Variants in TBC1D7 observed in about 807,000 individuals in gnomAD.
TBC1D7 encodes the protein TBC1 domain family member 7.
In TBC1D7, 33 loss-of-function variants were observed where a neutral mutation model predicts 35.3. The observed-to-expected ratio is 0.93, with a 90% CI of 0.71 to 1.25. The LOEUF is 1.25. Among genes scored for constraint, TBC1D7 ranks in the 50% most tolerant of loss-of-function variants. TBC1D7 has a pLI of 0.00. For missense variants in TBC1D7, 362 were observed against 365.3 expected, an observed-to-expected ratio of 0.99 and a Z score of 0.07; for synonymous variants, 135 against 129.5, an observed-to-expected ratio of 1.04 and a Z score of -0.29.
intron 3 of TBC1D7, 98 bp from the exon 4 acceptor site, chr6:13,321,193 C>T (rs778215528): frequency 2.3e-4 from 221 of 981,532 alleles, no homozygotes; most frequent in Non-Finnish European, 3.1e-4. Context: ...GCGACCCACA[C>T]AATTAGGCTA....
At chr6:13,320,556 ATTT>A in intron 4 of TBC1D7, 1 of 571,624 alleles carries the variant, frequency 1.7e-6, no homozygotes, top group Non-Finnish European at 3.1e-6. Context: ...AGCACCTACA[ATTT>A]TTTATTTTTT....
At chr6:13,312,638 G>A (rs1240758768) in intron 5 of TBC1D7, among the ~76,000 whole-genome samples, 1 of 150,216 alleles carries the variant, frequency 6.7e-6, no homozygotes, top group Non-Finnish European at 1.5e-5. Flanking sequence ...GTTGCAGTGA[G>A]CTGAGATCGC....
chr6:13,326,962 G>T, intron 1 of TBC1D7, 56 bp from the exon 2 acceptor site: 1 of 981,926 alleles, frequency 1.0e-6, no homozygotes, highest in Non-Finnish European at 1.6e-6. Flanking sequence ...GGAAAAGTGA[G>T]TCTAGAAACA....
At position 13,320,900 on chromosome 6, in the gene TBC1D7, C is replaced by G. The variant is rs779372860; in HGVS notation, c.381+8G>C. 6.2e-7 allele frequency: 1 copy of G among 1,613,320 alleles called. No individual in the cohort carries two copies. Among genetic ancestry groups the G allele is most frequent in the East Asian group, 2.2e-5 (1 of 44,880 alleles). Reference sequence around the variant, plus strand: ...TGAGCTTAGTGTCAGACAAAAGTGACCACTAACCAGTGGAAAAGAGGGACT... The same window carrying G: ...TGAGCTTAGTGTCAGACAAAAGTGAGCACTAACCAGTGGAAAAGAGGGACT... On this transcript the variant is annotated splice_region_variant and intron_variant, in intron 4 of 7. Coordinates refer to ENST00000379300, the MANE Select transcript of TBC1D7 (RefSeq NM_016495.6).
intron 2 of TBC1D7, 101 bp from the exon 3 acceptor site, chr6:13,325,275 T>TC: frequency 5.0e-6 from 4 of 806,282 alleles, no homozygotes; most frequent in Non-Finnish European, 7.9e-6. Context: ...TTAAGACATT[T>TC]CTTCAGGGGA....
At chr6:13,318,777 C>G (rs1437313107) in intron 4 of TBC1D7, 1 of 152,204 alleles carries the variant, frequency 6.6e-6, no homozygotes, top group Non-Finnish European at 1.5e-5. Flanking sequence ...GAAGGGAAAA[C>G]TCTTCCTTAG....
At chr6:13,314,773 G>T (rs190518635) in intron 5 of TBC1D7, among the ~76,000 whole-genome samples, 1 of 152,044 alleles carries the variant, frequency 6.6e-6, no homozygotes. Flanking sequence ...TCAGTGCCCC[G>T]CATCTCATCT....
At chr6:13,316,729 C>T in intron 4 of TBC1D7, 21 bp from the exon 5 acceptor site, 1 of 1,612,196 alleles carries the variant, frequency 6.2e-7, no homozygotes, top group Non-Finnish European at 8.5e-7. Flanking sequence ...AATAATAAAT[C>T]TCAAGAGGAA....
chr6:13,326,046 A>C (rs1031047709), intron 2 of TBC1D7, among the ~76,000 whole-genome samples: 3 of 152,282 alleles, frequency 2.0e-5, no homozygotes, highest in Non-Finnish European at 4.4e-5. Flanking sequence ...AAAGTACTCT[A>C]TGCAAATAAA....
At chr6:13,307,817 T>C in intron 5 of TBC1D7, 72 bp from the exon 6 acceptor site, 4 of 1,483,548 alleles carry the variant, frequency 2.7e-6, no homozygotes, top group African/African-American at 1.4e-5. Flanking sequence ...TAGTCTCTGA[T>C]GAAAAAAAAG....
Position 13,325,101 on chromosome 6 carries a change from C to T in TBC1D7, c.186G>A (p.Val62=). 1 of 1,610,146 alleles carries T rather than the reference C, an allele frequency of 6.2e-7. No individual in the cohort carries two copies. Among genetic ancestry groups the T allele is most frequent in the Non-Finnish European group, 8.5e-7 (1 of 1,178,150 alleles). Residue 62 remains valine (V), a synonymous_variant, in exon 3 of 8, where the codon GTG becomes GTA. Coordinates refer to ENST00000379300, the MANE Select transcript of TBC1D7 (RefSeq NM_016495.6). The part of the protein sequence containing the change: ...PSMYRALVWK[V]LLGILPPHHE... The stretch of plus-strand genomic sequence containing the variant: ...AACTCCTGGGTCTCATACCTAGAAG[C>T]ACCTTCCATACCAATGCACGGTACA...
intron 2 of TBC1D7, 37 bp downstream of exon 2, chr6:13,326,750 T>C (rs1173701205): frequency 3.7e-6 from 5 of 1,356,824 alleles, no homozygotes; most frequent in African/African-American, 1.4e-5. Flanking sequence ...TGTGGAGTGA[T>C]TGAGAACCAA....
chr6:13,308,099 A>C (rs1782935351), intron 5 of TBC1D7, among the ~76,000 whole-genome samples: 1 of 152,252 alleles, frequency 6.6e-6, no homozygotes. Flanking sequence ...TGAGGAGCTA[A>C]GGAAGGCCCA....
intron 5 of TBC1D7, among the ~76,000 whole-genome samples, chr6:13,310,502 G>C (rs907288730): frequency 6.6e-6 from 1 of 152,110 alleles, no homozygotes; most frequent in African/African-American, 2.4e-5. Context: ...GCTGGGCGTG[G>C]TGGCATGTGC....
At chr6:13,324,702 T>C (rs548623787) in intron 3 of TBC1D7, among the ~76,000 whole-genome samples, 13 of 152,266 alleles carry the variant, frequency 8.5e-5, no homozygotes, top group African/African-American at 2.6e-4. Flanking sequence ...AAGTTATACC[T>C]CTATAGCTGA....
At chr6:13,306,629 T>A (rs1457636686) in intron 6 of TBC1D7, 102 bp from the exon 7 acceptor site, 1 of 979,496 alleles carries the variant, frequency 1.0e-6, no homozygotes. Flanking sequence ...TCCAATTTTA[T>A]GTAAAAGCTT....
chr6:13,328,153 T>C (rs1053554576), intron 1 of TBC1D7, 143 bp downstream of exon 1: 3 of 152,190 alleles, frequency 2.0e-5, no homozygotes, highest in Non-Finnish European at 2.9e-5. Context: ...CATTCTTAGA[T>C]TGCACTACAA....
At chr6:13,312,733 TA>T (rs1211881095) in intron 5 of TBC1D7, among the ~76,000 whole-genome samples, 1 of 146,922 alleles carries the variant, frequency 6.8e-6, no homozygotes, top group Non-Finnish European at 1.5e-5. Flanking sequence ...AAAAAATATA[TA>T]TTTTTTTAAT....
chr6:13,326,928 C>G, intron 1 of TBC1D7, 22 bp from the exon 2 acceptor site: 1 of 1,398,540 alleles, frequency 7.2e-7, no homozygotes, highest in Non-Finnish European at 1.0e-6. Flanking sequence ...CACAGAAAGA[C>G]AGAAAGGGAG....
Sources: allele counts gnomAD v4.1 joint callset (sites outside exome capture counted in the v4.1 genomes callset), GRCh38; gene constraint gnomAD v4.1.1; transcripts MANE v1.5; gene names NCBI Gene and HGNC (gene_info 2026-07-23, HGNC 2026-07-21).